Variants in FLNB observed in about 807,000 individuals in gnomAD.
The protein encoded by FLNB is filamin-B.
In FLNB, 111 loss-of-function variants were observed where a neutral mutation model predicts 250.6. The observed-to-expected ratio is 0.44, with a 90% confidence interval of 0.38 to 0.52. The LOEUF is 0.52. Among genes scored for constraint, FLNB ranks in the 20% least tolerant of loss-of-function variants. The pLI is 0.00. For synonymous variants in FLNB, 1,302 were observed against 1,372.1 expected (o/e 0.95, Z 1.13); for missense variants, 2,869 against 3,447.8 (o/e 0.83, Z 4.20).
intron 29 of FLNB, 25 bp from the exon 30 acceptor site, chr3:58,141,833 C>A: frequency 6.2e-7 from 1 of 1,610,196 alleles, no homozygotes; most frequent in Non-Finnish European, 8.5e-7. Context: ...TGGTTCCCAA[C>A]TAATCTCCAT....
intron 4 of FLNB, among the ~76,000 whole-genome samples, chr3:58,093,541 C>T (rs778824982): frequency 9.2e-5 from 14 of 152,154 alleles, no homozygotes; most frequent in Non-Finnish European, 1.9e-4. Flanking sequence ...AGAAGATGCT[C>T]TTGTCACCAA....
intron 26 of FLNB, 130 bp downstream of exon 26, chr3:58,133,061 G>GTCCATCCA: frequency 9.6e-7 from 1 of 1,039,664 alleles, no homozygotes; most frequent in South Asian, 1.5e-5. Context: ...TCCTCCATCA[G>GTCCATCCA]TCCATCCATC....
intron 1 of FLNB, among the ~76,000 whole-genome samples, chr3:58,015,328 G>T (rs895981177): frequency 2.0e-5 from 3 of 152,176 alleles, no homozygotes; most frequent in Non-Finnish European, 4.4e-5. Flanking sequence ...CCAAGTCCAG[G>T]ACTTTGTCTT....
chr3:58,106,559 A>G, intron 11 of FLNB, 121 bp from the exon 12 acceptor site: 1 of 896,620 alleles, frequency 1.1e-6, no homozygotes, highest in Non-Finnish European at 1.8e-6. Flanking sequence ...GGATACAAAC[A>G]GATTTCAATC....
chr3:58,143,382 CT>C, intron 31 of FLNB, 90 bp from the exon 32 acceptor site: 1 of 1,432,224 alleles, frequency 7.0e-7, no homozygotes, highest in Non-Finnish European at 9.8e-7. Flanking sequence ...GTCTGGAAAC[CT>C]TTATTTTGAA....
chr3:58,069,539 C>T (rs2097191091), intron 1 of FLNB, among the ~76,000 whole-genome samples: 1 of 152,166 alleles, frequency 6.6e-6, no homozygotes, highest in African/African-American at 2.4e-5. Context: ...CCATGCCCGG[C>T]CCATAGTTCA....
chr3:58,047,916 C>G (rs1403487708), intron 1 of FLNB, among the ~76,000 whole-genome samples: 1 of 152,018 alleles, frequency 6.6e-6, no homozygotes, highest in Non-Finnish European at 1.5e-5. Context: ...GTATCATGAC[C>G]CTTCACCCCC....
chr3:58,073,206 A>G (rs921612808), intron 1 of FLNB, among the ~76,000 whole-genome samples: 13 of 142,990 alleles, frequency 9.1e-5, no homozygotes, highest in African/African-American at 3.3e-4. Flanking sequence ...CCTTTTGAAG[A>G]TTGCTCTTCT....
chr3:58,101,023 T>C (rs994951521), intron 8 of FLNB, among the ~76,000 whole-genome samples: 2 of 152,186 alleles, frequency 1.3e-5, no homozygotes, highest in Admixed American at 1.3e-4. Flanking sequence ...ATGTAAATTA[T>C]TTTATGTTAA....
intron 20 of FLNB, 123 bp downstream of exon 20, chr3:58,121,626 T>C: frequency 1.5e-6 from 2 of 1,302,012 alleles, no homozygotes; most frequent in Non-Finnish European, 2.2e-6. Flanking sequence ...GTTAGCACAA[T>C]TCACTGTGAA....
At chr3:58,067,484 C>G (rs1194818462) in intron 1 of FLNB, among the ~76,000 whole-genome samples, 1 of 152,054 alleles carries the variant, frequency 6.6e-6, no homozygotes, top group Non-Finnish European at 1.5e-5. Context: ...TATGTTTTCT[C>G]TTACCAATTG....
intron 36 of FLNB, 51 bp downstream of exon 36, chr3:58,148,903 T>G: frequency 6.6e-7 from 1 of 1,521,254 alleles, no homozygotes; most frequent in Non-Finnish European, 9.0e-7. Flanking sequence ...ACCGACTTAT[T>G]TTGCTGAGGC....
intron 9 of FLNB, 58 bp from the exon 10 acceptor site, chr3:58,103,901 T>C: frequency 4.4e-6 from 7 of 1,608,536 alleles, no homozygotes; most frequent in Non-Finnish European, 6.0e-6. Flanking sequence ...CTTGTCCTTT[T>C]GATTCTCATT....
At chr3:58,154,963 T>G in intron 40 of FLNB, 35 bp downstream of exon 40, 2 of 1,608,254 alleles carry the variant, frequency 1.2e-6, no homozygotes, top group South Asian at 1.1e-5. Context: ...GACATTTTCC[T>G]TGTTTGAACA....
At chr3:58,058,017 G>A (rs937265344) in intron 1 of FLNB, among the ~76,000 whole-genome samples, 4 of 152,208 alleles carry the variant, frequency 2.6e-5, no homozygotes, top group Non-Finnish European at 5.9e-5. Flanking sequence ...TCGAACTCCC[G>A]ACCTCAGGTG....
intron 1 of FLNB, among the ~76,000 whole-genome samples, chr3:58,071,863 A>G (rs1333134020): frequency 6.6e-6 from 1 of 152,192 alleles, no homozygotes; most frequent in African/African-American, 2.4e-5. Flanking sequence ...ATGTGAGTAG[A>G]GAGGTAAAAG....
chr3:58,035,888 G>A (rs1285364538), intron 1 of FLNB, among the ~76,000 whole-genome samples: 1 of 152,196 alleles, frequency 6.6e-6, no homozygotes, highest in Non-Finnish European at 1.5e-5. Flanking sequence ...GCATGGGAAA[G>A]ATTTTTATTG....
At chr3:58,082,187 G>A (rs140313264) in intron 4 of FLNB, among the ~76,000 whole-genome samples, 2 of 152,124 alleles carry the variant, frequency 1.3e-5, no homozygotes, top group Non-Finnish European at 2.9e-5. Flanking sequence ...GCCGGAGTGG[G>A]AGCTATTGTT....
At chr3:58,091,205 C>A (rs1196686582) in intron 4 of FLNB, among the ~76,000 whole-genome samples, 2 of 152,000 alleles carry the variant, frequency 1.3e-5, no homozygotes, top group Admixed American at 6.6e-5. Context: ...TATTTTAAAA[C>A]CTATATGAAA....
Sources: gnomAD v4.1 joint callset for allele counts (sites outside exome capture counted in the v4.1 genomes callset) on GRCh38, gnomAD v4.1.1 for gene constraint, MANE v1.5 for transcripts, NCBI Gene and HGNC (gene_info 2026-07-23, HGNC 2026-07-21) for gene names.